Variants in RGP1 observed in about 807,000 individuals in gnomAD.
RGP1 encodes the protein RGP1 partner of RAB6A GEF complex.
A neutral mutation model predicts 44.5 loss-of-function variants in RGP1; 28 were observed. The observed-to-expected ratio is 0.63, with a 90% CI of 0.47 to 0.86. The LOEUF (loss-of-function observed/expected upper bound fraction) is 0.86, where lower values mean the gene tolerates loss of function less well. Among genes scored for constraint, RGP1 ranks in the 40% least tolerant of loss-of-function variants. The probability of loss-of-function intolerance (pLI) is 0.00; values close to 1 mark genes in which losing one functional copy is unlikely to be tolerated. For synonymous variants in RGP1, 212 were observed against 196.7 expected, an observed-to-expected ratio of 1.08 and a Z score of -0.65; for missense variants, 417 against 490.7, an observed-to-expected ratio of 0.85 and a Z score of 1.42.
intron 4 of RGP1, 29 bp downstream of exon 4, chr9:35,750,770 C>T (rs1204566675): frequency 1.2e-6 from 2 of 1,613,792 alleles, no homozygotes; most frequent in Non-Finnish European, 1.7e-6. Context: ...CCCTGAATTG[C>T]CTTCTAAGTC....
rs948086053 is a variant in RGP1, at chr9:35,755,796, T to C, written c.*2922T>C. On this transcript the variant is annotated 3_prime_UTR_variant, in exon 9 of 9. Coordinates refer to ENST00000378078, the MANE Select transcript of RGP1 (RefSeq NM_001080496.3). ...CACAGACTGGTACTGGCCTGTGGCCTGGGGGATGGAGACCCCTAATCCATG... is the reference window on the plus strand; with the variant it reads ...CACAGACTGGTACTGGCCTGTGGCCCGGGGGATGGAGACCCCTAATCCATG... 6.6e-6 allele frequency: 1 copy of C among 152,200 alleles called. No individual in the cohort carries two copies. Among genetic ancestry groups the C allele is most frequent in the South Asian group, 2.1e-4 (1 of 4,822 alleles). The allele number at this position is 152,200 out of a possible 1,614,324, so 9.4% of individuals were successfully genotyped here.
chr9:35,771,804 A>G, the RGP1 span, among the ~76,000 whole-genome samples: 5 of 152,156 alleles, frequency 3.3e-5, no homozygotes, highest in African/African-American at 1.2e-4. Context: ...AAAAATGTAG[A>G]CTCTAAGACC....
chr9:35,751,953 C>A lies in RGP1; in HGVS notation c.763-3C>A. 6.4e-7 allele frequency: 1 copy of A among 1,566,280 alleles called. No individual in the cohort carries two copies. The highest frequency in any genetic ancestry group is 8.7e-7 in the Non-Finnish European group (1 of 1,155,048). On this transcript the variant is annotated splice_region_variant and splice_polypyrimidine_tract_variant and intron_variant, in intron 7 of 8. Coordinates refer to ENST00000378078, the MANE Select transcript of RGP1 (RefSeq NM_001080496.3). ...TTAGCACACACCTGTCTCTTGCTCCCAGTTTTCAGTCAGCTTACAGACCGA... is the reference window on the plus strand; with the variant it reads ...TTAGCACACACCTGTCTCTTGCTCCAAGTTTTCAGTCAGCTTACAGACCGA...
At chr9:35,760,042 C>T (rs1232536501), downstream of RGP1, among the ~76,000 whole-genome samples, 1 of 152,068 alleles carries the variant, frequency 6.6e-6, no homozygotes, top group African/African-American at 2.4e-5. Flanking sequence ...GCCTCAGCCT[C>T]CTTTGATCCC....
the RGP1 span, among the ~76,000 whole-genome samples, chr9:35,763,620 G>C: frequency 0.047 from 7,185 of 152,176 alleles, 515 homozygotes; most frequent in African/African-American, 0.16. Context: ...GATGGCTCAC[G>C]CCTGTAATCC....
At position 35,753,403 on chromosome 9, in the gene RGP1, C is replaced by T. The variant is rs543009682; in HGVS notation, c.*529C>T. 78 of 1,081,626 alleles carry T rather than the reference C, an allele frequency of 7.2e-5. No homozygotes were observed. The South Asian group carries it at 8.2e-4, about 11-fold the overall frequency. The allele number at this position is 1,081,626 out of a possible 1,614,324, so 67.0% of individuals were successfully genotyped here. A position where few individuals can be genotyped will look rare whatever the true frequency, so the allele number is the denominator to read the frequency against. On this transcript the variant is annotated 3_prime_UTR_variant, in exon 9 of 9. Transcript: ENST00000378078. This position sits in a 1 kb window ranked among gnomAD's most constrained non-coding sequence, Gnocchi z 4.2. ...CCCCTTTCAGTGGCCCCTTGGTCCT[C>T]CTAACTAAGCTGTCACCTACCATAT...
downstream of RGP1, among the ~76,000 whole-genome samples, chr9:35,762,112 T>C (rs1394817807): frequency 6.6e-6 from 1 of 152,016 alleles, no homozygotes; most frequent in Non-Finnish European, 1.5e-5. Flanking sequence ...TGAGATTCTG[T>C]TGAAAAAAAA....
chr9:35,770,166 T>C, the RGP1 span, among the ~76,000 whole-genome samples: 1 of 152,230 alleles, frequency 6.6e-6, no homozygotes, highest in Non-Finnish European at 1.5e-5. Context: ...ATTTGGGGCA[T>C]ATTTTGGAGG....
At chr9:35,759,901 C>G (rs1827404109), downstream of RGP1, among the ~76,000 whole-genome samples, 1 of 146,896 alleles carries the variant, frequency 6.8e-6, no homozygotes, top group Non-Finnish European at 1.5e-5. Context: ...CTACACAGTT[C>G]CTTTATTCAT....
At chr9:35,789,659 G>A in the RGP1 span, among the ~76,000 whole-genome samples, 4 of 149,674 alleles carry the variant, frequency 2.7e-5, no homozygotes, top group Non-Finnish European at 4.5e-5. Flanking sequence ...TTGTACTTGC[G>A]TAGGAGTCTG....
Position 35,754,273 on chromosome 9 carries a change from C to T in RGP1, c.*1399C>T. 2 of 1,022,302 alleles carry T rather than the reference C, an allele frequency of 2.0e-6. No individual in the cohort carries two copies. The highest frequency in any genetic ancestry group is 2.8e-6 in the Non-Finnish European group (2 of 724,832). 63.3% of individuals were successfully genotyped at this position (1,022,302 alleles called of 1,614,324 possible). A position where few individuals can be genotyped will look rare whatever the true frequency, so the allele number is the denominator to read the frequency against. ...CTCCTGTCTCACACTATCTCCCTGCCCTCTGCTCTCACAGGCTGGGGATGT... is the reference window on the plus strand; with the variant it reads ...CTCCTGTCTCACACTATCTCCCTGCTCTCTGCTCTCACAGGCTGGGGATGT... On this transcript the variant is annotated 3_prime_UTR_variant, in exon 9 of 9. Transcript: ENST00000378078.
Position 35,753,169 on chromosome 9 carries a change from T to A in RGP1, c.*295T>A, listed in dbSNP as rs762596084. The A allele has an allele frequency of 3.7e-6, 6 of 1,614,060 alleles. No individual in the cohort carries two copies. The highest frequency in any genetic ancestry group is 5.1e-6 in the Non-Finnish European group (6 of 1,179,996). ...CTGAGCCCCATTCTGGGTCAGGCCC[T>A]CCCCCTTTGCAGGGCAGCCGAGGGT... On this transcript the variant is annotated 3_prime_UTR_variant, in exon 9 of 9. Transcript: ENST00000378078. This position sits in a 1 kb window ranked among gnomAD's most constrained non-coding sequence, Gnocchi z 4.2.
chr9:35,771,382 T>G, the RGP1 span, among the ~76,000 whole-genome samples: 1 of 152,172 alleles, frequency 6.6e-6, no homozygotes, highest in Non-Finnish European at 1.5e-5. Context: ...ACCATCTCCT[T>G]CTCTCCCGTT....
rs931337907 is a variant in RGP1, at chr9:35,755,235, G to A, written c.*2361G>A. On this transcript the variant is annotated 3_prime_UTR_variant, in exon 9 of 9. Transcript: ENST00000378078. ...GATAGTAATGCCAACTCATTGGGCT[G>A]TTATGAGGATTACTGAGATAATGCG... 1 of 152,248 alleles carries A rather than the reference G, an allele frequency of 6.6e-6. No homozygotes were observed. Among genetic ancestry groups the A allele is most frequent in the African/African-American group, 2.4e-5 (1 of 41,458 alleles). The allele number at this position is 152,248 out of a possible 1,614,324, so 9.4% of individuals were successfully genotyped here.
the RGP1 span, among the ~76,000 whole-genome samples, chr9:35,774,821 T>C: frequency 2.0e-5 from 3 of 152,196 alleles, no homozygotes; most frequent in African/African-American, 4.8e-5. Context: ...GGGAGTACTA[T>C]AATCTTTTCA....
At chr9:35,786,997 G>A in the RGP1 span, among the ~76,000 whole-genome samples, 16 of 151,822 alleles carry the variant, frequency 1.1e-4, no homozygotes, top group South Asian at 1.0e-3. Context: ...CTACTCGGGA[G>A]GCTGAGGCAA....
downstream of RGP1, among the ~76,000 whole-genome samples, chr9:35,761,982 C>T (rs754707431): frequency 3.3e-5 from 5 of 152,090 alleles, no homozygotes; most frequent in Non-Finnish European, 7.3e-5. Context: ...GGTAAAACCC[C>T]CCATCTCTAC....
At position 35,752,207 on chromosome 9, in the gene RGP1, G is replaced by C. The variant is rs1045021236; in HGVS notation, c.952+62G>C. Reference sequence around the variant, plus strand: ...GACAGTAAAATGCTGTGCTAAGGGAGGGTGTAATGGATCCTGATTCCTTAT... The same window carrying C: ...GACAGTAAAATGCTGTGCTAAGGGACGGTGTAATGGATCCTGATTCCTTAT... On this transcript the variant is annotated intron_variant, in intron 8 of 8. Coordinates refer to ENST00000378078, the MANE Select transcript of RGP1 (RefSeq NM_001080496.3). The C allele has an allele frequency of 2.8e-6, 4 of 1,425,290 alleles. No individual in the cohort carries two copies. In the Admixed American group the frequency reaches 7.8e-5, roughly 28 times the overall value. 88.3% of individuals were successfully genotyped at this position (1,425,290 alleles called of 1,614,324 possible).
the RGP1 span, among the ~76,000 whole-genome samples, chr9:35,788,033 A>G: frequency 6.6e-6 from 1 of 152,208 alleles, no homozygotes; most frequent in Non-Finnish European, 1.5e-5. Context: ...AGCTGCACAA[A>G]TAGGTTTGTT....
Sources: gnomAD v4.1 joint callset for allele counts (sites outside exome capture counted in the v4.1 genomes callset) on GRCh38, gnomAD v4.1.1 for gene constraint, Gnocchi (gnomAD v3.1) non-coding constraint, MANE v1.5 for transcripts, NCBI Gene and HGNC (gene_info 2026-07-23, HGNC 2026-07-21) for gene names.